USP34: variants seen among roughly 807,000 people sequenced by gnomAD.
The protein encoded by USP34 is ubiquitin specific peptidase 34.
USP34 carries 70 observed loss-of-function variants against 460.3 expected under a neutral mutation model. The ratio of observed to expected loss-of-function variants is 0.15; its 90% CI spans 0.13 to 0.19. The LOEUF (loss-of-function observed/expected upper bound fraction) is 0.19. USP34 is among the 10% of genes least tolerant of loss of function. The probability of loss-of-function intolerance (pLI) is 1.00; values close to 1 mark genes in which losing one functional copy is unlikely to be tolerated. For missense variants in USP34, 3,985 were observed against 4,236.2 expected (o/e 0.94, Z 1.65); for synonymous variants, 1,647 against 1,405.3 (o/e 1.17, Z -3.85).
At chr2:61,308,585 C>T (rs1458170574) in intron 27 of USP34, among the ~76,000 whole-genome samples, 1 of 152,110 alleles carries the variant, frequency 6.6e-6, no homozygotes, top group Non-Finnish European at 1.5e-5. Context: ...AAGAAAATTT[C>T]TCCAGACTGA....
chr2:61,248,013 C>T (rs1159204443), intron 49 of USP34, among the ~76,000 whole-genome samples: 2 of 152,010 alleles, frequency 1.3e-5, no homozygotes, highest in African/African-American at 4.8e-5. Context: ...ACGGCGAAAC[C>T]TTGTCTCTAC....
intron 48 of USP34, among the ~76,000 whole-genome samples, chr2:61,252,311 C>T (rs1013134930): frequency 6.6e-6 from 1 of 152,092 alleles, no homozygotes; most frequent in African/African-American, 2.4e-5. Context: ...TGGAGATTAC[C>T]TACCCGATAC....
At chr2:61,392,753 A>C (rs1233370193) in intron 5 of USP34, among the ~76,000 whole-genome samples, 2 of 152,192 alleles carry the variant, frequency 1.3e-5, no homozygotes, top group African/African-American at 4.8e-5. Context: ...AATTCAAGAA[A>C]CAGTTTAATC....
At chr2:61,410,235 C>G (rs945340529) in intron 2 of USP34, among the ~76,000 whole-genome samples, 1 of 152,194 alleles carries the variant, frequency 6.6e-6, no homozygotes, top group African/African-American at 2.4e-5. Context: ...TTTCCTACAA[C>G]TAGACGGTAC....
chr2:61,377,833 T>C (rs997567666), intron 8 of USP34, among the ~76,000 whole-genome samples: 3 of 152,216 alleles, frequency 2.0e-5, no homozygotes, highest in Non-Finnish European at 4.4e-5. Context: ...GTATAAACAG[T>C]ATGCTTTCAT....
chr2:61,202,654 C>A (rs902184738), intron 75 of USP34, among the ~76,000 whole-genome samples: 2 of 152,092 alleles, frequency 1.3e-5, no homozygotes, highest in Non-Finnish European at 2.9e-5. Flanking sequence ...TCTCACTCAC[C>A]TATTTTATGA....
At chr2:61,190,454 A>T (rs1303610599) in intron 77 of USP34, 40 bp from the exon 78 acceptor site, 3 of 1,603,082 alleles carry the variant, frequency 1.9e-6, no homozygotes, top group Admixed American at 3.5e-5. Flanking sequence ...AAAGACCAGC[A>T]TAATGAAACC....
At chr2:61,291,339 G>A (rs13010628) in intron 33 of USP34, among the ~76,000 whole-genome samples, 1 of 152,074 alleles carries the variant, frequency 6.6e-6, no homozygotes, top group African/African-American at 2.4e-5. Context: ...CTCACACATT[G>A]CTGGTAGAAA....
intron 67 of USP34, among the ~76,000 whole-genome samples, chr2:61,219,776 T>C (rs1687505632): frequency 3.9e-5 from 6 of 152,164 alleles, no homozygotes; most frequent in Non-Finnish European, 8.8e-5. Context: ...AAAATGTTTA[T>C]AATAAGAAAT....
At chr2:61,221,737 C>T (rs1307281337) in intron 65 of USP34, 131 bp from the exon 66 acceptor site, 32 of 762,444 alleles carry the variant, frequency 4.2e-5, no homozygotes. Context: ...GCCAGTACTT[C>T]TGCATGTGAA....
intron 27 of USP34, among the ~76,000 whole-genome samples, chr2:61,308,019 A>AG (rs1217628253): frequency 1.3e-5 from 2 of 152,120 alleles, no homozygotes; most frequent in Admixed American, 1.3e-4. Flanking sequence ...ACTTCACTCT[A>AG]GCCTGGGTGA....
intron 26 of USP34, 23 bp from the exon 27 acceptor site, chr2:61,311,710 T>A: frequency 6.2e-7 from 1 of 1,608,090 alleles, no homozygotes; most frequent in Non-Finnish European, 8.5e-7. Flanking sequence ...ATGCAACCAA[T>A]TTAAAAATAC....
intron 39 of USP34, 34 bp from the exon 40 acceptor site, chr2:61,278,477 A>C (rs755324723): frequency 7.0e-7 from 1 of 1,438,354 alleles, no homozygotes; most frequent in African/African-American, 1.5e-5. Context: ...ATTCAAATAT[A>C]AATTTTTTAT....
intron 1 of USP34, among the ~76,000 whole-genome samples, chr2:61,425,712 T>A (rs986285526): frequency 6.6e-6 from 1 of 152,024 alleles, no homozygotes; most frequent in East Asian, 1.9e-4. Context: ...CGATTCTTAG[T>A]AATGAATGAA....
chr2:61,432,204 T>C (rs1417045261), intron 1 of USP34, among the ~76,000 whole-genome samples: 1 of 149,632 alleles, frequency 6.7e-6, no homozygotes, highest in African/African-American at 2.5e-5. Context: ...TGGAATGTAG[T>C]GACATTTTCC....
intron 41 of USP34, among the ~76,000 whole-genome samples, chr2:61,277,482 C>G (rs531825449): frequency 6.6e-6 from 1 of 152,250 alleles, no homozygotes; most frequent in East Asian, 1.9e-4. Flanking sequence ...AGCAATCCAC[C>G]TACCTCAGCC....
chr2:61,459,564 CAA>C (rs1695539664), intron 1 of USP34, among the ~76,000 whole-genome samples: 1 of 151,978 alleles, frequency 6.6e-6, no homozygotes, highest in South Asian at 2.1e-4. Context: ...CACTTCAGGT[CAA>C]GAGTTCGAAA....
At chr2:61,369,642 C>CAAAAAAAA (rs57947331) in intron 10 of USP34, among the ~76,000 whole-genome samples, 2 of 43,442 alleles carry the variant, frequency 4.6e-5, no homozygotes, top group Non-Finnish European at 7.9e-5. Flanking sequence ...GATTCCGTCT[C>CAAAAAAAA]AAAAAAAAAA....
chr2:61,452,799 C>G (rs1330690795), intron 1 of USP34, among the ~76,000 whole-genome samples: 2 of 151,354 alleles, frequency 1.3e-5, no homozygotes, highest in Admixed American at 1.3e-4. Flanking sequence ...ATAAGAGGAT[C>G]GCTTGAGCCT....
Sources: allele counts gnomAD v4.1 joint callset (sites outside exome capture counted in the v4.1 genomes callset), GRCh38; gene constraint gnomAD v4.1.1; transcripts MANE v1.5; gene names NCBI Gene and HGNC (gene_info 2026-07-23, HGNC 2026-07-21).